Variants in AUTS2 observed in about 807,000 individuals in gnomAD.
AUTS2 encodes autism susceptibility gene 2 protein.
A neutral mutation model predicts 112.4 loss-of-function variants in AUTS2; 17 were observed. The observed-to-expected ratio is 0.15, with a 90% CI of 0.10 to 0.23. The LOEUF is 0.23. AUTS2 is among the 10% of genes least tolerant of loss of function. AUTS2 has a pLI of 1.00. For synonymous variants in AUTS2, 751 were observed against 702.7 expected (o/e 1.07, Z -1.09); for missense variants, 1,510 against 1,701.6 (o/e 0.89, Z 1.98).
intron 1 of AUTS2, among the ~76,000 whole-genome samples, chr7:69,644,229 G>A (rs1481799398): frequency 6.6e-6 from 1 of 152,172 alleles, no homozygotes; most frequent in African/African-American, 2.4e-5. Context: ...AGCAGGGACT[G>A]GCTGGCTGTT....
At chr7:70,475,087 C>T (rs1034260124) in intron 5 of AUTS2, among the ~76,000 whole-genome samples, 1 of 152,210 alleles carries the variant, frequency 6.6e-6, no homozygotes, top group African/African-American at 2.4e-5. Flanking sequence ...TGCCCAGGGG[C>T]CTGGCATGTT....
intron 4 of AUTS2, among the ~76,000 whole-genome samples, chr7:70,352,472 G>GGAGC (rs1408428131): frequency 6.6e-6 from 1 of 152,020 alleles, no homozygotes; most frequent in Non-Finnish European, 1.5e-5. Context: ...ATGTTGAAAG[G>GGAGC]GAGCGTCAGG....
chr7:69,695,005 G>A (rs980740373), intron 1 of AUTS2, among the ~76,000 whole-genome samples: 16 of 152,180 alleles, frequency 1.1e-4, no homozygotes, highest in African/African-American at 3.9e-4. Context: ...CCTATGTTTT[G>A]TCATCATTTG....
intron 4 of AUTS2, among the ~76,000 whole-genome samples, chr7:70,417,297 G>A (rs1332627189): frequency 6.6e-6 from 1 of 152,238 alleles, no homozygotes; most frequent in African/African-American, 2.4e-5. Context: ...ATTTTGCAAT[G>A]TGACTATTCG....
chr7:70,351,618 C>T (rs1791768861), intron 4 of AUTS2, among the ~76,000 whole-genome samples: 1 of 152,126 alleles, frequency 6.6e-6, no homozygotes, highest in African/African-American at 2.4e-5. Flanking sequence ...ATAGCTATAC[C>T]AACTTACATT....
chr7:70,285,466 G>C lies in AUTS2; in HGVS notation c.661-150286G>C, dbSNP rs542086975. Among the ~76,000 whole-genome samples the C allele has an allele frequency of 3.3e-5, 5 of 152,294 alleles. No homozygotes were observed. In the South Asian group the frequency reaches 1.0e-3, roughly 32 times the overall value. On this transcript the variant is annotated intron_variant, in intron 4 of 18. Transcript: ENST00000342771. ...CAGACATAAATGGACTCTTAGGCCT[G>C]CTATTTACTAGCAGTATTCTCATGT... is the stretch of plus-strand genomic sequence containing the variant.
chr7:69,615,653 C>T lies in AUTS2; in HGVS notation c.309+15691C>T, dbSNP rs147109712. Among the ~76,000 whole-genome samples, 761 of 152,288 alleles carry T rather than the reference C, an allele frequency of 5.0e-3. 2 individuals carry two copies. The highest frequency in any genetic ancestry group is 0.017 in the Middle Eastern group (5 of 294). On this transcript the variant is annotated intron_variant, in intron 1 of 18. Transcript: ENST00000342771. ...TCTACATCTGCTGCCCATATTTCAG[C>T]TGTACTCTTATTTTGTTTAGTATGG... is the stretch of plus-strand genomic sequence containing the variant.
chr7:69,682,803 C>T (rs1259969615), intron 1 of AUTS2, among the ~76,000 whole-genome samples: 2 of 152,104 alleles, frequency 1.3e-5, no homozygotes, highest in Non-Finnish European at 2.9e-5. Context: ...GTGGTTCGGC[C>T]TGCAGTCCCA....
intron 4 of AUTS2, among the ~76,000 whole-genome samples, chr7:70,283,081 A>G (rs1189897013): frequency 2.6e-5 from 4 of 152,190 alleles, no homozygotes; most frequent in Non-Finnish European, 1.5e-5. Context: ...AATCCTGAAA[A>G]AGCTACTGTT....
At chr7:70,415,969 C>G (rs1302830536) in intron 4 of AUTS2, among the ~76,000 whole-genome samples, 1 of 152,186 alleles carries the variant, frequency 6.6e-6, no homozygotes, top group African/African-American at 2.4e-5. Context: ...TCCTTGAACC[C>G]TACGTGTGAG....
intron 4 of AUTS2, among the ~76,000 whole-genome samples, chr7:70,413,257 C>G (rs989896070): frequency 3.9e-5 from 6 of 152,244 alleles, no homozygotes; most frequent in Non-Finnish European, 7.3e-5. Flanking sequence ...AAATGACTAT[C>G]TCACCTATCT....
intron 5 of AUTS2, among the ~76,000 whole-genome samples, chr7:70,538,383 T>A (rs1036601175): frequency 6.6e-6 from 1 of 151,668 alleles, no homozygotes; most frequent in Non-Finnish European, 1.5e-5. Flanking sequence ...CAAAAATTGG[T>A]CGGGTGTGGT....
intron 14 of AUTS2, among the ~76,000 whole-genome samples, chr7:70,780,107 T>A (rs1790971436): frequency 6.6e-6 from 1 of 151,292 alleles, no homozygotes; most frequent in African/African-American, 2.4e-5. Flanking sequence ...GAAGAGGTCA[T>A]AGCAAGGGAA....
chr7:70,673,568 G>T (rs908791736), intron 5 of AUTS2, among the ~76,000 whole-genome samples: 1 of 151,944 alleles, frequency 6.6e-6, no homozygotes, highest in Admixed American at 6.6e-5. Context: ...TAGAGATAGG[G>T]TTTCACCATG....
intron 1 of AUTS2, among the ~76,000 whole-genome samples, chr7:69,708,910 A>G (rs1798182998): frequency 6.6e-6 from 1 of 152,170 alleles, no homozygotes; most frequent in Admixed American, 6.5e-5. Context: ...AGACATGAAC[A>G]TTTATTTTTA....
chr7:69,748,322 C>A (rs1196073653), intron 1 of AUTS2, among the ~76,000 whole-genome samples: 1 of 152,134 alleles, frequency 6.6e-6, no homozygotes, highest in East Asian at 1.9e-4. Context: ...TTTGAAAGGG[C>A]TAGGGTAGCC....
At chr7:70,442,729 C>T (rs1319574921) in intron 5 of AUTS2, among the ~76,000 whole-genome samples, 9 of 152,140 alleles carry the variant, frequency 5.9e-5, no homozygotes, top group Non-Finnish European at 7.4e-5. Context: ...CTCAGGTGAC[C>T]GGCCCATATT....
At chr7:70,236,051 ATAT>A (rs773276986) in intron 4 of AUTS2, among the ~76,000 whole-genome samples, 2 of 152,112 alleles carry the variant, frequency 1.3e-5, no homozygotes, top group Non-Finnish European at 2.9e-5. Context: ...ATAACATTTT[ATAT>A]TCTTCACCAC....
intron 5 of AUTS2, among the ~76,000 whole-genome samples, chr7:70,597,330 G>A (rs20325): frequency 6.6e-6 from 1 of 152,058 alleles, no homozygotes; most frequent in Non-Finnish European, 1.5e-5. Context: ...CTCCTGCCGG[G>A]GTATTAACCC....
Sources: allele counts gnomAD v4.1 joint callset (sites outside exome capture counted in the v4.1 genomes callset), GRCh38; gene constraint gnomAD v4.1.1; transcripts MANE v1.5; gene names NCBI Gene and HGNC (gene_info 2026-07-23, HGNC 2026-07-21).